Variants in ZBTB20 observed in about 807,000 individuals in gnomAD.
ZBTB20 encodes the protein zinc finger and BTB domain-containing protein 20.
A neutral mutation model predicts 56.9 loss-of-function variants in ZBTB20; 9 were observed. The observed-to-expected ratio is 0.16, with a 90% CI of 0.10 to 0.28. ZBTB20 has a LOEUF of 0.28. ZBTB20 is among the 10% of genes least tolerant of loss of function. The pLI is 1.00. For missense variants in ZBTB20, 655 were observed against 1,003.0 expected (o/e 0.65, Z 4.69); for synonymous variants, 417 against 420.7 (o/e 0.99, Z 0.11).
At chr3:114,407,375 A>T (rs1222371712) in intron 7 of ZBTB20, among the ~76,000 whole-genome samples, 2 of 152,152 alleles carry the variant, frequency 1.3e-5, no homozygotes, top group Non-Finnish European at 2.9e-5. Flanking sequence ...ACAGAGTGAA[A>T]CATTTATGCA....
Position 115,038,568 on chromosome 3 carries a change from T to A in ZBTB20, c.-507+32651A>T, listed in dbSNP as rs537325926. On this transcript the variant is annotated intron_variant, in intron 2 of 11. Coordinates refer to ENST00000675478, the MANE Select transcript of ZBTB20 (RefSeq NM_001348800.3). ...ATACTTGTTGAACTGACTAAACTCA[T>A]CCCAGTGAAGTTTCCTGAATACATT... is the stretch of plus-strand genomic sequence containing the variant. 2.0e-5 allele frequency among the ~76,000 whole-genome samples: 3 copies of A among 152,252 alleles called. No homozygotes were observed. The South Asian group carries it at 6.2e-4, about 32-fold the overall frequency.
intron 4 of ZBTB20, among the ~76,000 whole-genome samples, chr3:114,830,833 T>C (rs1190953186): frequency 1.3e-5 from 2 of 151,864 alleles, no homozygotes; most frequent in South Asian, 2.1e-4. Flanking sequence ...CTGAGCATAA[T>C]TGCGCTCCAA....
intron 2 of ZBTB20, among the ~76,000 whole-genome samples, chr3:115,013,071 C>G (rs1442800348): frequency 6.6e-6 from 1 of 151,358 alleles, no homozygotes; most frequent in Non-Finnish European, 1.5e-5. Flanking sequence ...AAAAGCAGTA[C>G]TAAGAGGGAA....
At chr3:114,865,294 T>C (rs907414211) in intron 4 of ZBTB20, among the ~76,000 whole-genome samples, 54 of 152,150 alleles carry the variant, frequency 3.5e-4, no homozygotes, top group Non-Finnish European at 2.4e-4. Context: ...CAAATACATA[T>C]GTAGGAAACA....
At chr3:114,576,501 C>CAAAAAAAAAAAAA (rs61714991) in intron 6 of ZBTB20, among the ~76,000 whole-genome samples, 2 of 24,112 alleles carry the variant, frequency 8.3e-5, no homozygotes, top group Non-Finnish European at 1.5e-4. Flanking sequence ...GACTCCGTCT[C>CAAAAAAAAAAAAA]AAAAAAAAAA....
chr3:114,562,923 A>C (rs1158782634), intron 6 of ZBTB20, among the ~76,000 whole-genome samples: 2 of 152,236 alleles, frequency 1.3e-5, no homozygotes, highest in Non-Finnish European at 2.9e-5. Flanking sequence ...AACATCAAAG[A>C]TCACTAATCA....
chr3:115,136,127 A>G (rs1463612251), intron 1 of ZBTB20, among the ~76,000 whole-genome samples: 1 of 152,092 alleles, frequency 6.6e-6, no homozygotes, highest in East Asian at 1.9e-4. Context: ...GAGATACCTG[A>G]CACATTTCTT....
chr3:114,580,450 T>G (rs1433611601), intron 6 of ZBTB20, among the ~76,000 whole-genome samples: 3 of 151,784 alleles, frequency 2.0e-5, no homozygotes, highest in African/African-American at 7.2e-5. Flanking sequence ...AGAATAGATA[T>G]TCTTAATGTG....
At chr3:114,904,215 T>C (rs936250876) in intron 3 of ZBTB20, 1 of 152,078 alleles carries the variant, frequency 6.6e-6, no homozygotes, top group African/African-American at 2.4e-5. Context: ...TGTTACAGAA[T>C]ACAGAAATAG....
At chr3:114,972,684 A>G (rs1219883916) in intron 3 of ZBTB20, among the ~76,000 whole-genome samples, 9 of 152,184 alleles carry the variant, frequency 5.9e-5, no homozygotes, top group Non-Finnish European at 1.3e-4. Flanking sequence ...GGAAATTATC[A>G]TGTTAAAATC....
chr3:114,801,667 T>A (rs1414104018), intron 4 of ZBTB20, among the ~76,000 whole-genome samples: 1 of 151,902 alleles, frequency 6.6e-6, no homozygotes, highest in Non-Finnish European at 1.5e-5. Context: ...TTCCAGTGAC[T>A]GAATTGCTGG....
intron 3 of ZBTB20, among the ~76,000 whole-genome samples, chr3:114,942,801 A>T (rs2076763799): frequency 6.9e-6 from 1 of 145,614 alleles, no homozygotes; most frequent in Non-Finnish European, 1.5e-5. Context: ...GTAGAACAGA[A>T]TGCGAGACTG....
At chr3:115,117,041 T>G (rs1432623028) in intron 1 of ZBTB20, among the ~76,000 whole-genome samples, 1 of 152,126 alleles carries the variant, frequency 6.6e-6, no homozygotes, top group African/African-American at 2.4e-5. Flanking sequence ...GCACAACCAT[T>G]GCAAAACATG....
At chr3:114,848,443 T>TG (rs1184187332) in intron 4 of ZBTB20, among the ~76,000 whole-genome samples, 1 of 152,174 alleles carries the variant, frequency 6.6e-6, no homozygotes, top group African/African-American at 2.4e-5. Context: ...CAAATCATGT[T>TG]TACCATAGTC....
chr3:114,625,657 T>G (rs1175269954), intron 6 of ZBTB20, among the ~76,000 whole-genome samples: 1 of 151,898 alleles, frequency 6.6e-6, no homozygotes, highest in Non-Finnish European at 1.5e-5. Context: ...CAGTTAATGA[T>G]AAAACATAGG....
intron 7 of ZBTB20, among the ~76,000 whole-genome samples, chr3:114,439,348 G>C (rs1265631945): frequency 6.6e-6 from 1 of 152,072 alleles, no homozygotes; most frequent in African/African-American, 2.4e-5. Flanking sequence ...TTTTCAGTTA[G>C]AGAAAAAATA....
intron 7 of ZBTB20, among the ~76,000 whole-genome samples, chr3:114,478,311 A>G (rs900249324): frequency 2.0e-5 from 3 of 152,212 alleles, no homozygotes; most frequent in Admixed American, 6.5e-5. Context: ...GCAGATATGA[A>G]TTTTGGACAA....
At chr3:114,552,476 T>C (rs2050704023) in intron 6 of ZBTB20, among the ~76,000 whole-genome samples, 1 of 152,090 alleles carries the variant, frequency 6.6e-6, no homozygotes, top group Non-Finnish European at 1.5e-5. Flanking sequence ...TCAGTTCTGC[T>C]TTAGAACCAT....
intron 5 of ZBTB20, among the ~76,000 whole-genome samples, chr3:114,774,502 A>G (rs1456717097): frequency 6.6e-6 from 1 of 152,118 alleles, no homozygotes; most frequent in East Asian, 1.9e-4. Context: ...TGCTTCCTAG[A>G]GGTCCCTGTA....
Sources: gnomAD v4.1 joint callset for allele counts (sites outside exome capture counted in the v4.1 genomes callset) on GRCh38, gnomAD v4.1.1 for gene constraint, MANE v1.5 for transcripts, NCBI Gene and HGNC (gene_info 2026-07-23, HGNC 2026-07-21) for gene names.